Variants in LRRC47 observed in about 807,000 individuals in gnomAD.
LRRC47 encodes the protein leucine rich repeat containing 47.
LRRC47 carries 31 observed loss-of-function variants against 40.9 expected under a neutral mutation model. The observed-to-expected ratio is 0.76, with a 90% CI of 0.57 to 1.02. The LOEUF (loss-of-function observed/expected upper bound fraction) is 1.02, where lower values mean the gene tolerates loss of function less well. LRRC47 is among the 50% of genes least tolerant of loss of function. LRRC47 has a pLI of 0.00. For synonymous variants in LRRC47, 427 were observed against 371.9 expected (o/e 1.15, Z -1.70); for missense variants, 726 against 796.1 (o/e 0.91, Z 1.06).
intron 3 of LRRC47, 123 bp downstream of exon 3, chr1:3,784,964 C>T: frequency 3.5e-6 from 2 of 565,600 alleles, no homozygotes; most frequent in Non-Finnish European, 5.8e-6. Flanking sequence ...CACTGCACTC[C>T]AGCCTGGGCA....
At chr1:3,790,421 C>T (rs1418304149) in intron 1 of LRRC47, among the ~76,000 whole-genome samples, 1 of 152,232 alleles carries the variant, frequency 6.6e-6, no homozygotes, top group African/African-American at 2.4e-5. Flanking sequence ...CACCGTCCTG[C>T]CCACATCAGC....
intron 1 of LRRC47, among the ~76,000 whole-genome samples, chr1:3,792,358 T>C (rs1194030591): frequency 6.6e-6 from 1 of 152,078 alleles, no homozygotes; most frequent in African/African-American, 2.4e-5. Context: ...CCACCTCTTT[T>C]GGGATTTAGA....
intron 3 of LRRC47, 26 bp from the exon 4 acceptor site, chr1:3,784,137 C>G: frequency 1.3e-6 from 2 of 1,572,988 alleles, no homozygotes; most frequent in Admixed American, 1.8e-5. Flanking sequence ...CCACAAACTC[C>G]ACTAGGGTCA....
At chr1:3,792,319 C>G (rs912334556) in intron 1 of LRRC47, among the ~76,000 whole-genome samples, 2 of 152,178 alleles carry the variant, frequency 1.3e-5, no homozygotes, top group African/African-American at 4.8e-5. Context: ...AATTTACGAA[C>G]AGAATGGCCC....
intron 1 of LRRC47, among the ~76,000 whole-genome samples, chr1:3,789,975 G>A (rs971898252): frequency 1.4e-4 from 22 of 152,218 alleles, no homozygotes; most frequent in Non-Finnish European, 2.5e-4. Flanking sequence ...CACTGGCTTT[G>A]GGGAGGATGA....
At chr1:3,787,525 G>A (rs996622804) in intron 1 of LRRC47, among the ~76,000 whole-genome samples, 13 of 152,122 alleles carry the variant, frequency 8.5e-5, no homozygotes, top group African/African-American at 2.7e-4. Flanking sequence ...GAGCCTCTCC[G>A]AGGAGAAGGC....
At chr1:3,783,795 C>T (rs576416470) in intron 4 of LRRC47, 3 of 579,898 alleles carry the variant, frequency 5.2e-6, no homozygotes, top group South Asian at 4.4e-5. Context: ...CTTCCACTTC[C>T]CTCACGTCAG....
intron 1 of LRRC47, among the ~76,000 whole-genome samples, chr1:3,794,931 G>GT (rs1643659258): frequency 6.6e-6 from 1 of 151,210 alleles, no homozygotes; most frequent in South Asian, 2.1e-4. Context: ...GTGTGCGCCT[G>GT]TAAGCCCAGC....
Position 3,785,088 on chromosome 1 carries a change from T to TTGAGGTCC in LRRC47, c.1185_1192dup (p.Lys398ArgfsTer64), listed in dbSNP as rs1346529774. ...ACCCTGCAAAGGAGGCTGCAGCACCTTGAGGTCCTGTGGGGGCCGGGCGCA... is the reference window on the plus strand; with the variant it reads ...ACCCTGCAAAGGAGGCTGCAGCACCTTGAGGTCCTGAGGTCCTGTGGGGGCCGGGCGCA... On this transcript the variant is annotated frameshift_variant and splice_region_variant, in exon 3 of 7. Coordinates refer to ENST00000378251, the MANE Select transcript of LRRC47 (RefSeq NM_020710.3). LOFTEE classifies it high-confidence loss of function. The TTGAGGTCC allele has an allele frequency of 6.3e-7, 1 of 1,593,624 alleles. No homozygotes were observed. Among genetic ancestry groups the TTGAGGTCC allele is most frequent in the Admixed American group, 1.7e-5 (1 of 57,318 alleles).
rs190585478 is a variant in LRRC47, at chr1:3,784,718, G to A, written c.1194+369C>T. 1.8e-4 allele frequency among the ~76,000 whole-genome samples: 27 copies of A among 152,352 alleles called. 1 individual carries two copies. The highest frequency in any genetic ancestry group is 5.5e-4 in the African/African-American group (23 of 41,584). On this transcript the variant is annotated intron_variant, in intron 3 of 6. Transcript: ENST00000378251. Reference sequence around the variant, plus strand: ...CTACTCTAAAGAAAATGTTCAGGCCGGGTGCGGTGGCTTACGCCTGTAATC... The same window carrying A: ...CTACTCTAAAGAAAATGTTCAGGCCAGGTGCGGTGGCTTACGCCTGTAATC...
intron 1 of LRRC47, 116 bp from the exon 2 acceptor site, chr1:3,787,426 T>C: frequency 1.2e-5 from 12 of 1,005,782 alleles, no homozygotes; most frequent in Non-Finnish European, 1.7e-5. Context: ...CTGGCCTGTC[T>C]GTGGGGACGC....
In LRRC47 at chr1:3,781,349, A is replaced by C. The variant is rs1643518245; in HGVS notation, c.1504-13T>G. The C allele has an allele frequency of 7.5e-6, 12 of 1,610,564 alleles. No homozygotes were observed. Among genetic ancestry groups the C allele is most frequent in the Non-Finnish European group, 1.0e-5 (12 of 1,177,422 alleles). On this transcript the variant is annotated splice_polypyrimidine_tract_variant and intron_variant, in intron 6 of 6. Transcript: ENST00000378251. Reference sequence around the variant, plus strand: ...TTTCTGCCATTTTCTGCAAATAAAAAATACCTTTTTAACCTGGAGATGAGA... The same window carrying C: ...TTTCTGCCATTTTCTGCAAATAAAACATACCTTTTTAACCTGGAGATGAGA...
At chr1:3,789,995 G>C (rs72846586) in intron 1 of LRRC47, among the ~76,000 whole-genome samples, 9,464 of 152,270 alleles carry the variant, frequency 0.062, 1,011 homozygotes, top group African/African-American at 0.21. Flanking sequence ...AGTTACACAG[G>C]GGGTGGCTAG....
At chr1:3,781,398 C>T in intron 6 of LRRC47, 62 bp from the exon 7 acceptor site, 5 of 1,581,214 alleles carry the variant, frequency 3.2e-6, no homozygotes, top group Non-Finnish European at 3.5e-6. Flanking sequence ...AGACATGCTG[C>T]TGTCTGCCAA....
chr1:3,781,025 A>G lies in LRRC47; in HGVS notation c.*63T>C. ...GGGGTGAAAATCTAACGGATAATTC[A>G]GCATTGCCGCATAGAAACCTCCGCA... On this transcript the variant is annotated 3_prime_UTR_variant, in exon 7 of 7. Coordinates refer to ENST00000378251, the MANE Select transcript of LRRC47 (RefSeq NM_020710.3). 6.4e-7 allele frequency: 1 copy of G among 1,564,882 alleles called. No homozygotes were observed. The highest frequency in any genetic ancestry group is 8.6e-7 in the Non-Finnish European group (1 of 1,156,494).
At chr1:3,791,380 G>A (rs1643624977) in intron 1 of LRRC47, among the ~76,000 whole-genome samples, 1 of 152,202 alleles carries the variant, frequency 6.6e-6, no homozygotes, top group Non-Finnish European at 1.5e-5. Context: ...GAGCCTTCAA[G>A]ACCCAACGGC....
chr1:3,781,692 C>T, intron 5 of LRRC47, 91 bp from the exon 6 acceptor site: 1 of 1,084,674 alleles, frequency 9.2e-7, no homozygotes, highest in Non-Finnish European at 1.4e-6. Flanking sequence ...ATCTACAAAA[C>T]TGTGTGGCCA....
intron 1 of LRRC47, among the ~76,000 whole-genome samples, chr1:3,788,118 C>A (rs769677601): frequency 6.6e-6 from 1 of 152,226 alleles, no homozygotes; most frequent in Admixed American, 6.5e-5. Flanking sequence ...GTCTGGGCAG[C>A]GCAGGGAACG....
intron 6 of LRRC47, 39 bp from the exon 7 acceptor site, chr1:3,781,375 G>C (rs775818092): frequency 6.3e-7 from 1 of 1,599,716 alleles, no homozygotes; most frequent in South Asian, 1.1e-5. Context: ...GGAGATGAGA[G>C]GTGACCCAGG....
Sources: allele counts gnomAD v4.1 joint callset (sites outside exome capture counted in the v4.1 genomes callset), GRCh38; gene constraint gnomAD v4.1.1; transcripts MANE v1.5; gene names NCBI Gene and HGNC (gene_info 2026-07-23, HGNC 2026-07-21).